The following DLGAP2 variants were observed in gnomAD, a reference collection of about 807,000 sequenced individuals.
DLGAP2 encodes the protein DLG associated protein 2.
Under a neutral mutation model 100.3 loss-of-function variants are expected in DLGAP2, and 26 were observed. The observed-to-expected ratio is 0.26, with a 90% CI of 0.19 to 0.36. The LOEUF is 0.36. DLGAP2 is among the 10% of genes least tolerant of loss of function. The pLI, the probability that DLGAP2 is intolerant of heterozygous loss-of-function variation, is 1.00. For synonymous variants in DLGAP2, 886 were observed against 630.1 expected (o/e 1.41, Z -6.08); for missense variants, 1,858 against 1,453.2 (o/e 1.28, Z -4.53).
At chr8:1,082,124 G>T (rs1384605564) in intron 2 of DLGAP2, among the ~76,000 whole-genome samples, 3 of 152,156 alleles carry the variant, frequency 2.0e-5, no homozygotes. Context: ...TTGAGGCTGT[G>T]TGCAGTTTAC....
intron 13 of DLGAP2, among the ~76,000 whole-genome samples, chr8:1,693,233 T>C (rs1176252958): frequency 6.7e-6 from 1 of 148,600 alleles, no homozygotes; most frequent in Non-Finnish European, 1.5e-5. Context: ...ATATACAGTA[T>C]ATATAAAACA....
At chr8:1,286,900 G>C (rs567429670) in intron 3 of DLGAP2, among the ~76,000 whole-genome samples, 2 of 152,250 alleles carry the variant, frequency 1.3e-5, no homozygotes, top group African/African-American at 4.8e-5. Flanking sequence ...AGTAGAATGA[G>C]AACGTTAAAT....
chr8:1,141,143 C>A (rs1382496441), intron 2 of DLGAP2, among the ~76,000 whole-genome samples: 1 of 152,100 alleles, frequency 6.6e-6, no homozygotes, highest in Non-Finnish European at 1.5e-5. Flanking sequence ...AGGCAGCTTT[C>A]TCCTGGGGAG....
At chr8:1,151,688 C>G (rs1796700210) in intron 2 of DLGAP2, among the ~76,000 whole-genome samples, 1 of 152,218 alleles carries the variant, frequency 6.6e-6, no homozygotes, top group South Asian at 2.1e-4. Flanking sequence ...GCCTTCAGCT[C>G]AAAGCGGTGC....
chr8:1,156,639 G>GCTCAGCGCCCTA (rs1554493440), intron 2 of DLGAP2, among the ~76,000 whole-genome samples: 1 of 147,438 alleles, frequency 6.8e-6, no homozygotes, highest in African/African-American at 2.5e-5. Flanking sequence ...CCAGCGCCCC[G>GCTCAGCGCCCTA]GCTCAGCGCC....
chr8:1,670,159 G>A (rs1798654798), intron 10 of DLGAP2, among the ~76,000 whole-genome samples: 1 of 152,136 alleles, frequency 6.6e-6, no homozygotes, highest in Non-Finnish European at 1.5e-5. Flanking sequence ...CCTCCCACAG[G>A]TGCCCTCCAG....
At chr8:1,313,249 C>T (rs1481613978) in intron 3 of DLGAP2, among the ~76,000 whole-genome samples, 1 of 152,176 alleles carries the variant, frequency 6.6e-6, no homozygotes, top group Admixed American at 6.5e-5. Context: ...TCATGAGTAC[C>T]TGGAATCTTG....
chr8:1,307,107 A>G (rs1800508880), intron 3 of DLGAP2, among the ~76,000 whole-genome samples: 1 of 152,196 alleles, frequency 6.6e-6, no homozygotes, highest in African/African-American at 2.4e-5. Context: ...ATGGAATGGG[A>G]GTAGATATCA....
intron 2 of DLGAP2, among the ~76,000 whole-genome samples, chr8:1,134,037 C>G (rs968615401): frequency 4.6e-5 from 7 of 151,996 alleles, no homozygotes; most frequent in African/African-American, 1.7e-4. Flanking sequence ...TGTTGGTCCC[C>G]TTTATGCATC....
At chr8:1,553,715 C>A (rs577207364) in intron 5 of DLGAP2, among the ~76,000 whole-genome samples, 1 of 152,084 alleles carries the variant, frequency 6.6e-6, no homozygotes, top group Non-Finnish European at 1.5e-5. Flanking sequence ...TGCAGCCATT[C>A]GCTGAAGGAC....
At chr8:893,723 G>C (rs778243094) in intron 1 of DLGAP2, among the ~76,000 whole-genome samples, 1 of 152,246 alleles carries the variant, frequency 6.6e-6, no homozygotes, top group East Asian at 1.9e-4. Flanking sequence ...GTTAACCGTC[G>C]TTCTTTTGGA....
At chr8:1,171,168 C>G (rs1357959537) in intron 2 of DLGAP2, among the ~76,000 whole-genome samples, 18 of 152,132 alleles carry the variant, frequency 1.2e-4, no homozygotes, top group Admixed American at 2.0e-4. Flanking sequence ...GAAGGTTGTT[C>G]AGTTTCCATG....
At chr8:1,383,765 A>G (rs775784766) in intron 3 of DLGAP2, among the ~76,000 whole-genome samples, 32 of 152,244 alleles carry the variant, frequency 2.1e-4, no homozygotes, top group Non-Finnish European at 3.5e-4. Flanking sequence ...ACTTGACATT[A>G]ACAAGAAGCA....
chr8:1,153,917 G>A lies in DLGAP2; in HGVS notation c.74-104934G>A, dbSNP rs917219085. Among the ~76,000 whole-genome samples the A allele has an allele frequency of 5.9e-5, 9 of 152,216 alleles. No homozygotes were observed. The East Asian group carries it at 1.5e-3, about 26-fold the overall frequency. On this transcript the variant is annotated intron_variant, in intron 2 of 14. Coordinates refer to ENST00000637795, the MANE Select transcript of DLGAP2 (RefSeq NM_001346810.2). ...TTCAAGTGCACTGGACCCCAGAGAC[G>A]TTTTTCTGTCTCCTCCCCTTTCCTA...
chr8:1,201,554 A>G (rs1234484677), intron 2 of DLGAP2, among the ~76,000 whole-genome samples: 4 of 152,224 alleles, frequency 2.6e-5, no homozygotes, highest in Non-Finnish European at 4.4e-5. Flanking sequence ...CCGGACGGAT[A>G]TAGATCGCTT....
intron 1 of DLGAP2, among the ~76,000 whole-genome samples, chr8:830,293 T>C (rs944497980): frequency 5.3e-5 from 8 of 152,242 alleles, no homozygotes; most frequent in African/African-American, 1.9e-4. Flanking sequence ...TTTATCCTTT[T>C]TGTTACAAAC....
At chr8:1,177,829 C>G (rs1272203514) in intron 2 of DLGAP2, among the ~76,000 whole-genome samples, 1 of 152,178 alleles carries the variant, frequency 6.6e-6, no homozygotes, top group Non-Finnish European at 1.5e-5. Context: ...GGCCTCTTAC[C>G]TCATCATCTC....
intron 6 of DLGAP2, chr8:1,620,549 A>G (rs943612075): frequency 1.3e-5 from 2 of 152,302 alleles, no homozygotes; most frequent in Admixed American, 6.5e-5. Flanking sequence ...CTCAGGTCCA[A>G]CCTCCAAAAC....
intron 3 of DLGAP2, among the ~76,000 whole-genome samples, chr8:1,285,005 C>G (rs1799893914): frequency 6.6e-6 from 1 of 152,204 alleles, no homozygotes; most frequent in African/African-American, 2.4e-5. Context: ...CACCTGCATC[C>G]CGATTTATTT....
Sources: gnomAD v4.1 joint callset for allele counts (sites outside exome capture counted in the v4.1 genomes callset) on GRCh38, gnomAD v4.1.1 for gene constraint, MANE v1.5 for transcripts, NCBI Gene and HGNC (gene_info 2026-07-23, HGNC 2026-07-21) for gene names.